PLEKHG4: variants seen among roughly 807,000 people sequenced by gnomAD.
The protein encoded by PLEKHG4 is pleckstrin homology and RhoGEF domain containing G4.
A neutral mutation model predicts 136.9 loss-of-function variants in PLEKHG4; 85 were observed. The ratio of observed to expected loss-of-function variants is 0.62; its 90% CI spans 0.52 to 0.74. The LOEUF is 0.74. PLEKHG4 is among the 30% of genes least tolerant of loss of function. PLEKHG4 has a pLI of 0.00. For synonymous variants in PLEKHG4, 577 were observed against 646.9 expected (o/e 0.89, Z 1.64); for missense variants, 1,317 against 1,527.8 (o/e 0.86, Z 2.30).
chr16:67,286,727 C>T (rs1003087098), intron 16 of PLEKHG4, 22 bp from the exon 17 acceptor site: 5 of 1,609,724 alleles, frequency 3.1e-6, no homozygotes, highest in Admixed American at 1.7e-5. Context: ...GGCTGGCCAC[C>T]CACCAGCCCC....
chr16:67,289,339 G>T lies in PLEKHG4; in HGVS notation c.*531G>T. On this transcript the variant is annotated 3_prime_UTR_variant, in exon 22 of 22. Coordinates refer to ENST00000379344, the MANE Select transcript of PLEKHG4 (RefSeq NM_001129729.3). ...GGCAGTTTCGTTATTTTGACTTGAT[G>T]CCTTTTGAATAACTTTCAATAGAAT... 2 of 479,440 alleles carry T rather than the reference G, an allele frequency of 4.2e-6. No individual in the cohort carries two copies. Among genetic ancestry groups the T allele is most frequent in the Non-Finnish European group, 3.7e-6 (1 of 272,616 alleles). The allele number at this position is 479,440 out of a possible 1,614,324, so 29.7% of individuals were successfully genotyped here. A position where few individuals can be genotyped will look rare whatever the true frequency, so the allele number is the denominator to read the frequency against.
rs1394772459 is a variant in PLEKHG4 at position 67,288,513 on chromosome 16, C to T, written c.3479C>T (p.Ser1160Phe). 9.3e-6 allele frequency: 15 copies of T among 1,614,024 alleles called. No individual in the cohort carries two copies. The highest frequency in any genetic ancestry group is 1.2e-5 in the Non-Finnish European group (14 of 1,179,962). Residue 1160 changes from serine (S) to phenylalanine (F), a missense_variant, in exon 21 of 22, where the codon TCC becomes TTC. By Grantham distance (155) the Ser-to-Phe change is radical. Transcript: ENST00000379344. Reference sequence around the variant, plus strand: ...GCTGCTGAGGACTCAGAGATCTCGTCCCAATGCCCATCAGCCAGTGGCTCC... The same window carrying T: ...GCTGCTGAGGACTCAGAGATCTCGTTCCAATGCCCATCAGCCAGTGGCTCC... ...SLTAEDSEIS[S>F]QCPSASGSSG...
Position 67,286,619 on chromosome 16 carries a change from CG to C in PLEKHG4, c.2709del (p.His904ThrfsTer167). 6.4e-7 allele frequency: 1 copy of C among 1,563,124 alleles called. No homozygotes were observed. The highest frequency in any genetic ancestry group is 8.7e-7 in the Non-Finnish European group (1 of 1,153,224). ...CCAGAGCCTTGTGCACTTCCAGCTG[CG>C]GCACGGAAACGACCTGCTGGCCATG... ...EAQSLVHFQL[R>X]HGNDLLAMDA... is the part of the protein sequence containing the mutation. On this transcript the variant is annotated frameshift_variant, in exon 16 of 22. Transcript: ENST00000379344. LOFTEE classifies it high-confidence loss of function.
rs1360224830 is a variant in PLEKHG4 at position 67,287,938 on chromosome 16, C to T, written c.3144C>T (p.Asn1048=). ...AGATGGTGTCCATGGGTGTGGGGAA[C>T]AAGGCCTTCCGAGACATTGCTCCCA... ...MAEMVSMGVG[N]KAFRDIAPSE... Residue 1048 remains asparagine (N), a synonymous_variant, in exon 19 of 22, where the codon AAC becomes AAT. Transcript: ENST00000379344. 3.1e-6 allele frequency: 5 copies of T among 1,613,966 alleles called. No individual in the cohort carries two copies. The highest frequency in any genetic ancestry group is 3.4e-6 in the Non-Finnish European group (4 of 1,179,832).
In PLEKHG4 at chr16:67,280,977, C is replaced by T. The variant is rs2142431058; in HGVS notation, c.691C>T (p.Leu231Phe). The change falls in exon 4 of 22, where the codon CTC (leucine) becomes TTC (phenylalanine). Residue 231 changes from leucine to phenylalanine, a missense_variant. Transcript: ENST00000379344. This position sits in a 1 kb window ranked among gnomAD's most constrained non-coding sequence, Gnocchi z 4.4. ...SECSSQELIR[L>F]LLYLRSIPRP... Reference sequence around the variant, plus strand: ...GTGCAGCAGCCAGGAACTCATCCGCCTCCTGCTGTACCTGCGAAGCATCCC... The same window carrying T: ...GTGCAGCAGCCAGGAACTCATCCGCTTCCTGCTGTACCTGCGAAGCATCCC... The T allele has an allele frequency of 6.2e-7, 1 of 1,613,798 alleles. No homozygotes were observed. The highest frequency in any genetic ancestry group is 8.5e-7 in the Non-Finnish European group (1 of 1,179,926).
In PLEKHG4 at chr16:67,280,723, C is replaced by T. The variant is rs1383987616; in HGVS notation, c.512C>T (p.Ser171Phe). The change falls in exon 3 of 22, where the codon TCC becomes TTC. Residue 171 changes from serine to phenylalanine, a missense_variant. Coordinates refer to ENST00000379344, the MANE Select transcript of PLEKHG4 (RefSeq NM_001129729.3). The surrounding 1 kb of genome is among the most constrained non-coding windows in gnomAD (Gnocchi z 4.4). ...SKLLEAAPSGSGLPKPADCLL... is the reference protein window; with the variant it reads ...SKLLEAAPSGFGLPKPADCLL... Reference sequence around the variant, plus strand: ...TTCCCTTCCCAAGCCCCCAGTGGATCCGGCCTCCCTAAGCCTGCTGACTGC... The same window carrying T: ...TTCCCTTCCCAAGCCCCCAGTGGATTCGGCCTCCCTAAGCCTGCTGACTGC... The T allele has an allele frequency of 1.2e-6, 2 of 1,614,104 alleles. No homozygotes were observed. Among genetic ancestry groups the T allele is most frequent in the Admixed American group, 3.3e-5 (2 of 60,026 alleles).
At position 67,286,906 on chromosome 16, in the gene PLEKHG4, A is replaced by G; in HGVS notation, c.2912A>G (p.Lys971Arg). The change falls in exon 17 of 22, where the codon AAG becomes AGG. Residue 971 changes from lysine (K) to arginine (R), a missense_variant. Physicochemically the swap from Lys to Arg is conservative, Grantham distance 26. Transcript: ENST00000379344. Reference protein sequence around the residue: ...GPTGVDTFAYKRSFKMADLGL... With the variant: ...GPTGVDTFAYRRSFKMADLGL... ...ACAGGGGTTGACACATTTGCCTACA[A>G]GCGCTCCTTCAAGGTAGGCCTGCCC... 1 of 1,613,888 alleles carries G rather than the reference A, an allele frequency of 6.2e-7. No individual in the cohort carries two copies. Among genetic ancestry groups the G allele is most frequent in the South Asian group, 1.1e-5 (1 of 91,092 alleles).
At chr16:67,287,781 C>G (rs2036544116) in intron 18 of PLEKHG4, 117 bp from the exon 19 acceptor site, 1 of 770,112 alleles carries the variant, frequency 1.3e-6, no homozygotes. Context: ...GCTCAGCTCA[C>G]AGGACAGTTA....
At position 67,280,024 on chromosome 16, in the gene PLEKHG4, G is replaced by T. The variant is rs1474747120; in HGVS notation, c.-21G>T. On this transcript the variant is annotated 5_prime_UTR_variant, in exon 2 of 22. Coordinates refer to ENST00000379344, the MANE Select transcript of PLEKHG4 (RefSeq NM_001129729.3). The surrounding 1 kb of genome is among the most constrained non-coding windows in gnomAD (Gnocchi z 4.4). ...GCCCTCTCCCGCTGGCCCCGAGCAG[G>T]CCCACCTTTAGGAGGGCGTGATGGA... 1.9e-6 allele frequency: 3 copies of T among 1,610,222 alleles called. No individual in the cohort carries two copies. Among genetic ancestry groups the T allele is most frequent in the Non-Finnish European group, 2.5e-6 (3 of 1,178,040 alleles).
Position 67,285,152 on chromosome 16 carries a change from C to A in PLEKHG4, c.2132C>A (p.Ala711Asp), listed in dbSNP as rs945666573. ...ACRRPEAGGG[A>D]LPQASPTVPP... The stretch of plus-strand genomic sequence containing the variant: ...CGCAGACCAGAGGCTGGAGGAGGTG[C>A]CCTGCCCCAGGCATCCCCTACTGTG... The change falls in exon 13 of 22, where the codon GCC becomes GAC. Residue 711 changes from alanine to aspartate, a missense_variant. Physicochemically the swap from Ala to Asp is moderately radical, Grantham distance 126 (BLOSUM62 -2). Coordinates refer to ENST00000379344, the MANE Select transcript of PLEKHG4 (RefSeq NM_001129729.3). 1.9e-6 allele frequency: 3 copies of A among 1,613,392 alleles called. No individual in the cohort carries two copies. The highest frequency in any genetic ancestry group is 2.5e-6 in the Non-Finnish European group (3 of 1,179,984).
At chr16:67,286,189 C>A in intron 14 of PLEKHG4, 85 bp from the exon 15 acceptor site, 1 of 939,484 alleles carries the variant, frequency 1.1e-6, no homozygotes, top group South Asian at 1.3e-5. Context: ...GCATTTTGGT[C>A]CTCTCAAGCT....
Position 67,280,769 on chromosome 16 carries a change from T to C in PLEKHG4, c.558T>C (p.Cys186=). Residue 186 remains cysteine (C), a synonymous_variant, in exon 3 of 22, where the codon TGT becomes TGC. Transcript: ENST00000379344. The surrounding 1 kb of genome is among the most constrained non-coding windows in gnomAD (Gnocchi z 4.4). The stretch of plus-strand genomic sequence containing the variant: ...ACTGCCTCCTGGCCCAAGACCTCTG[T>C]TGGGAGCTGCTGGCCAGTGGTATGG... ...PADCLLAQDL[C]WELLASGMAT... 6.2e-7 allele frequency: 1 copy of C among 1,614,086 alleles called. No homozygotes were observed. The highest frequency in any genetic ancestry group is 8.5e-7 in the Non-Finnish European group (1 of 1,180,026).
Position 67,280,451 on chromosome 16 carries a change from C to T in PLEKHG4, c.407C>T (p.Ala136Val), listed in dbSNP as rs187642977. Residue 136 changes from alanine to valine, a missense_variant, in exon 2 of 22, where the codon GCG becomes GTG. Physicochemically the swap from Ala to Val is moderately conservative, Grantham distance 64. Transcript: ENST00000379344. The surrounding 1 kb of genome is among the most constrained non-coding windows in gnomAD (Gnocchi z 4.4). ...GTAGGGGACCCAGGTCCAAGCAGGG[C>T]GATGCCATCTGGCTTGAGCCCTGGG... ...GLVGDPGPSR[A>V]MPSGLSPGAL... The T allele has an allele frequency of 1.6e-5, 26 of 1,599,854 alleles. No homozygotes were observed. The highest frequency in any genetic ancestry group is 3.3e-4 in the Middle Eastern group (2 of 5,978).
rs761452198 is a variant in PLEKHG4 at position 67,280,724 on chromosome 16, C to G, written c.513C>G (p.Ser171=). The G allele has an allele frequency of 6.2e-7, 1 of 1,614,098 alleles. No individual in the cohort carries two copies. Among genetic ancestry groups the G allele is most frequent in the East Asian group, 2.2e-5 (1 of 44,886 alleles). Residue 171 remains serine (S), a synonymous_variant, in exon 3 of 22, where the codon TCC becomes TCG. Coordinates refer to ENST00000379344, the MANE Select transcript of PLEKHG4 (RefSeq NM_001129729.3). The surrounding 1 kb of genome is among the most constrained non-coding windows in gnomAD (Gnocchi z 4.4). Reference sequence around the variant, plus strand: ...TCCCTTCCCAAGCCCCCAGTGGATCCGGCCTCCCTAAGCCTGCTGACTGCC... The same window carrying G: ...TCCCTTCCCAAGCCCCCAGTGGATCGGGCCTCCCTAAGCCTGCTGACTGCC... ...SKLLEAAPSG[S]GLPKPADCLL... is the part of the protein sequence containing the mutation.
At position 67,284,167 on chromosome 16, in the gene PLEKHG4, A is replaced by G. The variant is rs902070716; in HGVS notation, c.1510-108A>G. The G allele has an allele frequency of 1.4e-5, 13 of 941,718 alleles. No homozygotes were observed. The African/African-American group carries it at 2.0e-4, about 14-fold the overall frequency. The allele number at this position is 941,718 out of a possible 1,614,324, so 58.3% of individuals were successfully genotyped here. Reference sequence around the variant, plus strand: ...AGGAGATACGGGTAGATGTTCCACCACAGGACAGACTTGATGGGGACATGT... The same window carrying G: ...AGGAGATACGGGTAGATGTTCCACCGCAGGACAGACTTGATGGGGACATGT... On this transcript the variant is annotated intron_variant, in intron 11 of 21. Coordinates refer to ENST00000379344, the MANE Select transcript of PLEKHG4 (RefSeq NM_001129729.3). This position sits in a 1 kb window ranked among gnomAD's most constrained non-coding sequence, Gnocchi z 4.4.
At position 67,281,733 on chromosome 16, in the gene PLEKHG4, T is replaced by C; in HGVS notation, c.901T>C (p.Leu301=). The change falls in exon 7 of 22, where the codon TTG becomes CTG. Residue 301 remains leucine, a synonymous_variant. Coordinates refer to ENST00000379344, the MANE Select transcript of PLEKHG4 (RefSeq NM_001129729.3). ...EVPSGLQLEQ[L]PSQSLLTHIP... is the part of the protein sequence containing the mutation. ...CCTTCTTCTCCTGTAGCTGGAGCAGTTGCCTTCTCAGAGCCTGCTGACCCA... is the reference window on the plus strand; with the variant it reads ...CCTTCTTCTCCTGTAGCTGGAGCAGCTGCCTTCTCAGAGCCTGCTGACCCA... The C allele has an allele frequency of 6.2e-7, 1 of 1,614,002 alleles. No homozygotes were observed. The highest frequency in any genetic ancestry group is 8.5e-7 in the Non-Finnish European group (1 of 1,179,958).
At position 67,281,108 on chromosome 16, in the gene PLEKHG4, T is replaced by C. The variant is rs751061606; in HGVS notation, c.737T>C (p.Leu246Pro). 6.8e-6 allele frequency: 11 copies of C among 1,614,042 alleles called. No homozygotes were observed. Among genetic ancestry groups the C allele is most frequent in the Non-Finnish European group, 1.7e-6 (2 of 1,180,010 alleles). The change falls in exon 5 of 22, where the codon CTG (leucine) becomes CCG (proline). Residue 246 changes from leucine to proline, a missense_variant. Coordinates refer to ENST00000379344, the MANE Select transcript of PLEKHG4 (RefSeq NM_001129729.3). ...RSIPRPEVQALGLTVLVDARI... is the reference protein window; with the variant it reads ...RSIPRPEVQAPGLTVLVDARI... ...CCCTTTAGGCCCGAAGTACAGGCAC[T>C]GGGACTGACAGTGCTAGTTGATGCC...
chr16:67,286,754 C>T lies in PLEKHG4; in HGVS notation c.2760C>T (p.Asn920=). 1.2e-6 allele frequency: 2 copies of T among 1,613,878 alleles called. No homozygotes were observed. Among genetic ancestry groups the T allele is most frequent in the Non-Finnish European group, 1.7e-6 (2 of 1,179,804 alleles). The change falls in exon 17 of 22, where the codon AAC becomes AAT. Residue 920 remains asparagine (N), a synonymous_variant. Transcript: ENST00000379344. ...AMDAIQGCDV[N]LKEQGQLVRQ... ...ACCAGCCCCCAACTCTGCAGGTTAA[C>T]CTCAAGGAACAGGGGCAGCTGGTGC...
intron 14 of PLEKHG4, among the ~76,000 whole-genome samples, chr16:67,286,006 C>T (rs1052232199): frequency 3.9e-5 from 6 of 152,138 alleles, no homozygotes; most frequent in Admixed American, 3.3e-4. Context: ...GCTCTTAGAG[C>T]CGTGGGAGGA....
Sources: gnomAD v4.1 joint callset for allele counts (sites outside exome capture counted in the v4.1 genomes callset) on GRCh38, gnomAD v4.1.1 for gene constraint, Gnocchi (gnomAD v3.1) non-coding constraint, MANE v1.5 for transcripts, NCBI Gene and HGNC (gene_info 2026-07-23, HGNC 2026-07-21) for gene names.